FLAD1: variants seen among roughly 807,000 people sequenced by gnomAD.
The protein encoded by FLAD1 is flavin adenine dinucleotide synthetase 1, also known as bifunctional FAD diphosphatase/FAD synthase.
Under a neutral mutation model 55.0 loss-of-function variants are expected in FLAD1, and 35 were observed. The ratio of observed to expected loss-of-function variants is 0.64; its 90% CI spans 0.49 to 0.84. The LOEUF is 0.84. Ranked by LOEUF, FLAD1 falls within the 40% of genes least tolerant of loss-of-function variation. The pLI is 0.00. For synonymous variants in FLAD1, 267 were observed against 303.0 expected (o/e 0.88, Z 1.23); for missense variants, 665 against 742.6 (o/e 0.90, Z 1.21).
rs149233461 is a variant in FLAD1 at position 154,990,410 on chromosome 1, C to T, written c.1436C>T (p.Pro479Leu). Residue 479 changes from proline (P) to leucine (L), a missense_variant, in exon 5 of 7, where the codon CCC (proline) becomes CTC (leucine). Pro to Leu is a moderately conservative substitution (Grantham distance 98, BLOSUM62 -3). Coordinates refer to ENST00000292180, the MANE Select transcript of FLAD1 (RefSeq NM_025207.5). The part of the protein sequence containing the change: ...QALGELQARH[P>L]QLEAVLMGTR... ...CTGGGTGAACTGCAGGCACGGCACC[C>T]CCAGCTGGAGGCTGTCCTTATGGGC... The T allele has an allele frequency of 2.4e-5, 39 of 1,614,170 alleles. No homozygotes were observed. The highest frequency in any genetic ancestry group is 3.3e-5 in the Non-Finnish European group (39 of 1,180,014).
chr1:154,983,853 C>G lies in FLAD1; in HGVS notation c.159C>G (p.Thr53=). The change falls in exon 1 of 7, where the codon ACC becomes ACG. Residue 53 remains threonine (T), a synonymous_variant. Transcript: ENST00000292180. ...TCTGGCTTCTCCAGGTTCCCTCGACCCAGGACCCCCTGTTCCCAGGCTATG... is the reference window on the plus strand; with the variant it reads ...TCTGGCTTCTCCAGGTTCCCTCGACGCAGGACCCCCTGTTCCCAGGCTATG... ...CLFWLLQVPS[T]QDPLFPGYGP... The G allele has an allele frequency of 6.2e-7, 1 of 1,614,160 alleles. No individual in the cohort carries two copies. Among genetic ancestry groups the G allele is most frequent in the Non-Finnish European group, 8.5e-7 (1 of 1,180,018 alleles).
intron 1 of FLAD1, among the ~76,000 whole-genome samples, chr1:154,984,368 CAAT>C (rs927140851): frequency 6.6e-5 from 10 of 152,222 alleles, no homozygotes; most frequent in African/African-American, 9.6e-5. Flanking sequence ...AGCTACACAA[CAAT>C]GACAGGAAGC....
chr1:154,988,083 C>T, intron 1 of FLAD1, 22 bp from the exon 2 acceptor site: 1 of 1,614,196 alleles, frequency 6.2e-7, no homozygotes, highest in East Asian at 2.2e-5. Context: ...CTGATGGCCT[C>T]ATCTTCCCCT....
At chr1:154,990,689 C>A in intron 5 of FLAD1, 161 bp downstream of exon 5, 1 of 667,966 alleles carries the variant, frequency 1.5e-6, no homozygotes, top group Non-Finnish European at 2.4e-6. Context: ...TCCTTTTGAC[C>A]AATATTTATT....
At position 154,992,980 on chromosome 1, in the gene FLAD1, A is replaced by G; in HGVS notation, c.1707A>G (p.Thr569=). The change falls in exon 7 of 7, where the codon ACA becomes ACG. Residue 569 remains threonine (T), a synonymous_variant. Coordinates refer to ENST00000292180, the MANE Select transcript of FLAD1 (RefSeq NM_025207.5). The stretch of plus-strand genomic sequence containing the variant: ...GCCTGAGCCCAGGAGGACACCCCAC[A>G]TACCGTCCAGCCTATCTACTGGAGA... The part of the protein sequence containing the change: ...LKCLSPGGHP[T]YRPAYLLENE... 1 of 1,614,008 alleles carries G rather than the reference A, an allele frequency of 6.2e-7. No homozygotes were observed. Among genetic ancestry groups the G allele is most frequent in the Non-Finnish European group, 8.5e-7 (1 of 1,179,982 alleles).
At chr1:154,991,928 G>A (rs1657888356) in intron 5 of FLAD1, among the ~76,000 whole-genome samples, 1 of 151,364 alleles carries the variant, frequency 6.6e-6, no homozygotes, top group Non-Finnish European at 1.5e-5. Context: ...ACATCACGAG[G>A]TCAGGATTTC....
At chr1:154,985,509 TCTC>T (rs1657544027) in intron 1 of FLAD1, among the ~76,000 whole-genome samples, 1 of 151,580 alleles carries the variant, frequency 6.6e-6, no homozygotes, top group Non-Finnish European at 1.5e-5. Context: ...TTCAAGCAAT[TCTC>T]CTGTCTCAGC....
intron 3 of FLAD1, 27 bp downstream of exon 3, chr1:154,989,734 C>T (rs1230407887): frequency 2.0e-6 from 3 of 1,490,238 alleles, no homozygotes; most frequent in Admixed American, 4.7e-5. Flanking sequence ...GAGACAAGAC[C>T]CCTGATCTGT....
rs1188111445 is a variant in FLAD1 at position 154,989,363 on chromosome 1, AG to A, written c.1118-195del. Among the ~76,000 whole-genome samples, 3 of 152,294 alleles carry A rather than the reference AG, an allele frequency of 2.0e-5. No homozygotes were observed. In the East Asian group the frequency reaches 5.8e-4, roughly 29 times the overall value. The stretch of plus-strand genomic sequence containing the variant: ...GAGGAATGACACTGAGGCTACTGTG[AG>A]GTGTGGCTGGGTGGCAGATGGCAGG... On this transcript the variant is annotated intron_variant, in intron 2 of 6. Coordinates refer to ENST00000292180, the MANE Select transcript of FLAD1 (RefSeq NM_025207.5).
At position 154,988,543 on chromosome 1, in the gene FLAD1, C is replaced by A; in HGVS notation, c.811C>A (p.Leu271Ile). 2 of 1,614,224 alleles carry A rather than the reference C, an allele frequency of 1.2e-6. No homozygotes were observed. Among genetic ancestry groups the A allele is most frequent in the Non-Finnish European group, 8.5e-7 (1 of 1,180,038 alleles). Residue 271 changes from leucine (L) to isoleucine (I), a missense_variant, in exon 2 of 7, where the codon CTA (leucine) becomes ATA (isoleucine). By Grantham distance (5) the Leu-to-Ile change is conservative. Coordinates refer to ENST00000292180, the MANE Select transcript of FLAD1 (RefSeq NM_025207.5). ...GCGGGTGCTGGAGGGGATGAAGGGA[C>A]TATTCCAAAACCCAGCTGTTCAGTT... The part of the protein sequence containing the change: ...LRRVLEGMKG[L>I]FQNPAVQFHS...
Position 154,988,795 on chromosome 1 carries a change from A to C in FLAD1, c.1063A>C (p.Met355Leu). The C allele has an allele frequency of 6.2e-7, 1 of 1,614,170 alleles. No individual in the cohort carries two copies. Among genetic ancestry groups the C allele is most frequent in the Non-Finnish European group, 8.5e-7 (1 of 1,180,020 alleles). The change falls in exon 2 of 7, where the codon ATG becomes CTG. Residue 355 changes from methionine (M) to leucine (L), a missense_variant. By Grantham distance (15) the Met-to-Leu change is conservative. Transcript: ENST00000292180. ...GCCCCAGGGATCGCTGGTCCCCTAC[A>C]TGCCCAACGCTGTGGAGCAGGCCAG... is the stretch of plus-strand genomic sequence containing the variant. ...RLPQGSLVPYMPNAVEQASEA... is the reference protein window; with the variant it reads ...RLPQGSLVPYLPNAVEQASEA...
At chr1:154,985,716 AT>A (rs34387427) in intron 1 of FLAD1, among the ~76,000 whole-genome samples, 7,175 of 75,440 alleles carry the variant, frequency 0.095, 132 homozygotes, top group African/African-American at 0.11. Flanking sequence ...CCTGACCCCA[AT>A]TTTTTTTTTT....
At chr1:154,987,830 C>G (rs1454706984) in intron 1 of FLAD1, 14 of 843,542 alleles carry the variant, frequency 1.7e-5, no homozygotes, top group Non-Finnish European at 2.3e-5. Flanking sequence ...CCCAGCTACT[C>G]GGAAGGCTGG....
chr1:154,983,888 G>A lies in FLAD1; in HGVS notation c.194G>A (p.Cys65Tyr). The A allele has an allele frequency of 3.1e-6, 5 of 1,613,852 alleles. No individual in the cohort carries two copies. Among genetic ancestry groups the A allele is most frequent in the Non-Finnish European group, 4.2e-6 (5 of 1,179,840 alleles). ...DPLFPGYGPQCPVDLAGPPCL... is the reference protein window; with the variant it reads ...DPLFPGYGPQYPVDLAGPPCL... ...CTGTTCCCAGGCTATGGCCCCCAGT[G>A]CCCTGTAGACCTGGCAGGCCCCCCG... The change falls in exon 1 of 7, where the codon TGC becomes TAC. Residue 65 changes from cysteine to tyrosine, a missense_variant. Physicochemically the swap from Cys to Tyr is radical, Grantham distance 194. Coordinates refer to ENST00000292180, the MANE Select transcript of FLAD1 (RefSeq NM_025207.5).
chr1:154,985,091 G>A (rs550741164), intron 1 of FLAD1, among the ~76,000 whole-genome samples: 4 of 133,626 alleles, frequency 3.0e-5, no homozygotes, highest in East Asian at 4.7e-4. Flanking sequence ...ATGTTGCCCA[G>A]GCTGGTCTCA....
At position 154,983,892 on chromosome 1, in the gene FLAD1, T is replaced by C. The variant is rs760359719; in HGVS notation, c.198T>C (p.Pro66=). 8.1e-6 allele frequency: 13 copies of C among 1,613,270 alleles called. No individual in the cohort carries two copies. Among genetic ancestry groups the C allele is most frequent in the Non-Finnish European group, 1.0e-5 (12 of 1,179,602 alleles). ...PLFPGYGPQC[P]VDLAGPPCLR... ...TCCCAGGCTATGGCCCCCAGTGCCCTGTAGACCTGGCAGGCCCCCCGTGCT... is the reference window on the plus strand; with the variant it reads ...TCCCAGGCTATGGCCCCCAGTGCCCCGTAGACCTGGCAGGCCCCCCGTGCT... The change falls in exon 1 of 7, where the codon CCT becomes CCC. Residue 66 remains proline, a synonymous_variant. Coordinates refer to ENST00000292180, the MANE Select transcript of FLAD1 (RefSeq NM_025207.5).
intron 5 of FLAD1, 108 bp downstream of exon 5, chr1:154,990,636 G>A: frequency 9.0e-7 from 1 of 1,115,008 alleles, no homozygotes; most frequent in Non-Finnish European, 1.2e-6. Context: ...CCTGGATGAA[G>A]GGGCCTCATC....
At position 154,992,913 on chromosome 1, in the gene FLAD1, T is replaced by TG; in HGVS notation, c.1644dup (p.Ser549GlufsTer53). On this transcript the variant is annotated frameshift_variant, in exon 7 of 7. Transcript: ENST00000292180. LOFTEE classifies it high-confidence loss of function. ...CCTCCCTGCTCCAGATACACATCAC[T>TG]GGGGAGTCGGGAGAATACCGTGCGG... 1 of 1,613,908 alleles carries TG rather than the reference T, an allele frequency of 6.2e-7. No homozygotes were observed. Among genetic ancestry groups the TG allele is most frequent in the Non-Finnish European group, 8.5e-7 (1 of 1,179,940 alleles).
chr1:154,992,566 G>A (rs769564957), intron 5 of FLAD1, 147 bp from the exon 6 acceptor site: 1 of 1,613,700 alleles, frequency 6.2e-7, no homozygotes, highest in Admixed American at 1.7e-5. Context: ...CATACATAGA[G>A]CAAGCTATAC....
Sources: gnomAD v4.1 joint callset for allele counts (sites outside exome capture counted in the v4.1 genomes callset) on GRCh38, gnomAD v4.1.1 for gene constraint, MANE v1.5 for transcripts, NCBI Gene and HGNC (gene_info 2026-07-23, HGNC 2026-07-21) for gene names.